Variants in MSRA observed in about 807,000 individuals in gnomAD.
MSRA encodes the protein methionine sulfoxide reductase A, also known as mitochondrial peptide methionine sulfoxide reductase.
In MSRA, 54 loss-of-function variants were observed where a neutral mutation model predicts 31.3. That is an observed-to-expected ratio of 1.73 (90% CI 1.39 to 2.17). The LOEUF is 2.17. MSRA is among the 30% of genes most tolerant of loss of function. MSRA has a pLI of 0.00. For synonymous variants in MSRA, 169 were observed against 116.5 expected (o/e 1.45, Z -2.90); for missense variants, 507 against 300.9 (o/e 1.69, Z -5.07).
intron 5 of MSRA, among the ~76,000 whole-genome samples, chr8:10,367,596 T>C (rs1805240418): frequency 6.6e-6 from 1 of 152,204 alleles, no homozygotes; most frequent in South Asian, 2.1e-4. Flanking sequence ...TTATTAGCAA[T>C]GGCCCTGTGA....
intron 5 of MSRA, among the ~76,000 whole-genome samples, chr8:10,424,529 G>C (rs1563466773): frequency 3.3e-5 from 5 of 151,460 alleles, no homozygotes; most frequent in Admixed American, 2.6e-4. Context: ...GCCTGGGGTG[G>C]AGTGGGATGG....
intron 5 of MSRA, among the ~76,000 whole-genome samples, chr8:10,426,121 A>G (rs1370414899): frequency 6.6e-6 from 1 of 152,206 alleles, no homozygotes; most frequent in Non-Finnish European, 1.5e-5. Context: ...CACGGCCAGC[A>G]CATACTCCAT....
At chr8:10,177,929 C>T (rs1303768413) in intron 1 of MSRA, among the ~76,000 whole-genome samples, 1 of 152,094 alleles carries the variant, frequency 6.6e-6, no homozygotes, top group African/African-American at 2.4e-5. Flanking sequence ...GTTAAGAAAA[C>T]AAAAATAAAG....
At chr8:10,157,107 C>G (rs1804222220) in intron 1 of MSRA, among the ~76,000 whole-genome samples, 2 of 152,026 alleles carry the variant, frequency 1.3e-5, no homozygotes, top group Admixed American at 1.3e-4. Context: ...TTCTTTCTGA[C>G]TCTAATTTAC....
At chr8:10,310,678 G>C (rs1801386686) in intron 4 of MSRA, among the ~76,000 whole-genome samples, 1 of 152,230 alleles carries the variant, frequency 6.6e-6, no homozygotes, top group South Asian at 2.1e-4. Context: ...GAAAGGCCCA[G>C]TGAGGTGAAG....
At chr8:10,379,878 T>C (rs1805963298) in intron 5 of MSRA, among the ~76,000 whole-genome samples, 1 of 152,192 alleles carries the variant, frequency 6.6e-6, no homozygotes, top group African/African-American at 2.4e-5. Context: ...CAAACTATGT[T>C]CATCATTATT....
chr8:10,225,575 A>G (rs1401684257), intron 2 of MSRA, among the ~76,000 whole-genome samples: 1 of 152,226 alleles, frequency 6.6e-6, no homozygotes, highest in East Asian at 1.9e-4. Context: ...TTAAAAGTTT[A>G]GGTTTGAATA....
chr8:10,218,517 A>T (rs1222842105), intron 2 of MSRA, among the ~76,000 whole-genome samples: 9 of 152,126 alleles, frequency 5.9e-5, no homozygotes, highest in Admixed American at 6.5e-5. Context: ...TTTCTTAGAA[A>T]CTGCAAGATA....
chr8:10,389,206 T>G (rs1374988132), intron 5 of MSRA, among the ~76,000 whole-genome samples: 3 of 152,130 alleles, frequency 2.0e-5, no homozygotes, highest in Non-Finnish European at 1.5e-5. Flanking sequence ...CCCTGGCATT[T>G]GTATTTTTGA....
In MSRA at chr8:10,328,027, A is replaced by ATTTT. The variant is rs35940076; in HGVS notation, c.543+8060_543+8063dup. Reference sequence around the variant, plus strand: ...TAGTTTGAATACCATCTCTATGGTAATTTTTTTTTTTTTTTTTTTTTTTTT... The same window carrying ATTTT: ...TAGTTTGAATACCATCTCTATGGTAATTTTTTTTTTTTTTTTTTTTTTTTTTTTT... On this transcript the variant is annotated intron_variant, in intron 5 of 5. Coordinates refer to ENST00000317173, the MANE Select transcript of MSRA (RefSeq NM_012331.5). 1.9e-3 allele frequency among the ~76,000 whole-genome samples: 127 copies of ATTTT among 65,308 alleles called. 11 individuals carry two copies. The highest frequency in any genetic ancestry group is 6.6e-3 in the African/African-American group (93 of 14,100). 42.8% of individuals were successfully genotyped at this position (65,308 alleles called of 152,430 possible). A position where few individuals can be genotyped will look rare whatever the true frequency, so the allele number is the denominator to read the frequency against.
rs184197768 is a variant in MSRA at position 10,079,768 on chromosome 8, C to G, written c.142+25110C>G. ...TTTCCCTGTCAACTGGGCTTCTTCT[C>G]TTATCAGAGCCAAGGTGAGAAGCCA... On this transcript the variant is annotated intron_variant, in intron 1 of 5. Transcript: ENST00000317173. Among the ~76,000 whole-genome samples, 3 of 152,302 alleles carry G rather than the reference C, an allele frequency of 2.0e-5. No individual in the cohort carries two copies. The East Asian group carries it at 5.8e-4, about 29-fold the overall frequency.
chr8:10,174,919 T>A (rs865812474), intron 1 of MSRA, among the ~76,000 whole-genome samples: 8 of 152,204 alleles, frequency 5.3e-5, no homozygotes, highest in African/African-American at 1.7e-4. Flanking sequence ...ACAGGCTGCC[T>A]TCAGCTTCCC....
intron 3 of MSRA, among the ~76,000 whole-genome samples, chr8:10,268,096 A>G (rs934007796): frequency 2.6e-5 from 4 of 152,216 alleles, no homozygotes; most frequent in African/African-American, 7.2e-5. Context: ...GTGCCATTTC[A>G]TAAGCATTTG....
At chr8:10,356,995 C>A (rs534048220) in intron 5 of MSRA, among the ~76,000 whole-genome samples, 18 of 152,152 alleles carry the variant, frequency 1.2e-4, no homozygotes, top group Admixed American at 1.1e-3. Context: ...ATCTGCAGAT[C>A]CCCATAAGCT....
chr8:10,215,159 T>G (rs915134497), intron 2 of MSRA, among the ~76,000 whole-genome samples: 1 of 152,172 alleles, frequency 6.6e-6, no homozygotes, highest in African/African-American at 2.4e-5. Context: ...AGAGATCACT[T>G]ATCCATGAAC....
chr8:10,337,328 C>T (rs1269000005), intron 5 of MSRA, among the ~76,000 whole-genome samples: 7 of 152,062 alleles, frequency 4.6e-5, no homozygotes, highest in African/African-American at 1.2e-4. Context: ...TACAGGCGCC[C>T]GCCACCACGC....
chr8:10,141,193 C>T lies in MSRA; in HGVS notation c.143-66640C>T, dbSNP rs530443879. ...GAACACCCACAGAAATGGGAGTGGA[C>T]GTTATACTGAGTGCTTACCCTGTGC... is the stretch of plus-strand genomic sequence containing the variant. On this transcript the variant is annotated intron_variant, in intron 1 of 5. Transcript: ENST00000317173. 1.2e-4 allele frequency among the ~76,000 whole-genome samples: 18 copies of T among 152,256 alleles called. No individual in the cohort carries two copies. The East Asian group carries it at 1.5e-3, about 13-fold the overall frequency.
intron 1 of MSRA, among the ~76,000 whole-genome samples, chr8:10,189,588 A>T (rs1282659637): frequency 6.6e-6 from 1 of 152,154 alleles, no homozygotes; most frequent in Non-Finnish European, 1.5e-5. Context: ...GCATTTATTG[A>T]GTTGATCAGA....
In MSRA at chr8:10,378,857, G is replaced by A. The variant is rs936851925; in HGVS notation, c.544-49291G>A. ...AGAGCCACTGCATCAGACTAACCAC[G>A]TGTGTTCCTCTTTTATTTAAAACCA... On this transcript the variant is annotated intron_variant, in intron 5 of 5. Transcript: ENST00000317173. Among the ~76,000 whole-genome samples the A allele has an allele frequency of 5.3e-5, 8 of 152,168 alleles. No homozygotes were observed. In the South Asian group the frequency reaches 8.3e-4, roughly 16 times the overall value.
Sources: allele counts gnomAD v4.1 joint callset (sites outside exome capture counted in the v4.1 genomes callset), GRCh38; gene constraint gnomAD v4.1.1; transcripts MANE v1.5; gene names NCBI Gene and HGNC (gene_info 2026-07-23, HGNC 2026-07-21).